The following RFPL1 variants were observed in gnomAD, a reference collection of about 807,000 sequenced individuals.
RFPL1 encodes ret finger protein-like 1.
A neutral mutation model predicts 9.6 loss-of-function variants in RFPL1; 6 were observed. That is an observed-to-expected ratio of 0.62 (90% CI 0.34 to 1.23). The LOEUF (loss-of-function observed/expected upper bound fraction) is 1.23. Among genes scored for constraint, RFPL1 ranks in the 50% most tolerant of loss-of-function variants. RFPL1 has a pLI of 0.03. For missense variants in RFPL1, 352 were observed against 398.4 expected, an observed-to-expected ratio of 0.88 and a Z score of 0.99; for synonymous variants, 145 against 149.4, an observed-to-expected ratio of 0.97 and a Z score of 0.22.
At chr22:29,411,244 A>G in the RFPL1 span, among the ~76,000 whole-genome samples, 1 of 152,170 alleles carries the variant, frequency 6.6e-6, no homozygotes, top group Non-Finnish European at 1.5e-5. Flanking sequence ...GTTGGGAGTG[A>G]TGGAGACAAT....
the RFPL1 span, among the ~76,000 whole-genome samples, chr22:29,413,397 G>A: frequency 6.6e-6 from 1 of 152,046 alleles, no homozygotes; most frequent in East Asian, 1.9e-4. Context: ...TGAGGGAAAG[G>A]AAAGTGGGAG....
Sources: gnomAD v4.1 joint callset for allele counts (sites outside exome capture counted in the v4.1 genomes callset) on GRCh38, gnomAD v4.1.1 for gene constraint, MANE v1.5 for transcripts, NCBI Gene and HGNC (gene_info 2026-07-23, HGNC 2026-07-21) for gene names.